ERGIC1: variants seen among roughly 807,000 people sequenced by gnomAD.
ERGIC1 encodes the protein endoplasmic reticulum-golgi intermediate compartment 1.
A neutral mutation model predicts 38.3 loss-of-function variants in ERGIC1; 19 were observed. That is an observed-to-expected ratio of 0.50 (90% confidence interval 0.35 to 0.73). The LOEUF is 0.73. ERGIC1 is among the 30% of genes least tolerant of loss of function. The pLI is 0.01. For missense variants in ERGIC1, 294 were observed against 389.2 expected (o/e 0.76, Z 2.06); for synonymous variants, 124 against 157.6 (o/e 0.79, Z 1.60).
chr5:172,897,513 G>T (rs1434633814), intron 3 of ERGIC1, among the ~76,000 whole-genome samples: 1 of 152,092 alleles, frequency 6.6e-6, no homozygotes, highest in Non-Finnish European at 1.5e-5. Flanking sequence ...CAGGCCTGTG[G>T]CATCGGTTGC....
chr5:172,919,923 C>G (rs1763467417), intron 5 of ERGIC1, among the ~76,000 whole-genome samples: 2 of 152,172 alleles, frequency 1.3e-5, no homozygotes, highest in Admixed American at 6.5e-5. Context: ...TAGGTTCTTA[C>G]CCAGCCCTTT....
intron 1 of ERGIC1, among the ~76,000 whole-genome samples, chr5:172,842,951 C>G (rs1459404629): frequency 6.6e-6 from 1 of 152,150 alleles, no homozygotes; most frequent in South Asian, 2.1e-4. Context: ...CGAGACCAAC[C>G]TGGCCAACAT....
intron 9 of ERGIC1, among the ~76,000 whole-genome samples, chr5:172,950,040 T>C (rs1437335239): frequency 1.3e-5 from 2 of 152,092 alleles, no homozygotes; most frequent in East Asian, 3.8e-4. Context: ...GCCACTGCAC[T>C]CCAGCCTGGA....
chr5:172,888,781 C>T (rs1354945588), intron 2 of ERGIC1, 21 bp downstream of exon 2: 1 of 1,611,116 alleles, frequency 6.2e-7, no homozygotes, highest in Non-Finnish European at 8.5e-7. Context: ...AACCTCTGGC[C>T]ATGCCCTCTG....
intron 3 of ERGIC1, among the ~76,000 whole-genome samples, chr5:172,904,679 AG>A (rs55784478): frequency 0.034 from 5,187 of 152,352 alleles, 88 homozygotes; most frequent in South Asian, 0.086. Context: ...CAATGAAGTT[AG>A]TTAGCCTTGG....
At chr5:172,893,682 T>C (rs1394869009) in intron 2 of ERGIC1, among the ~76,000 whole-genome samples, 1 of 151,384 alleles carries the variant, frequency 6.6e-6, no homozygotes, top group Non-Finnish European at 1.5e-5. Flanking sequence ...TGATAGCTGA[T>C]CTCTTCCAGT....
At chr5:172,888,331 A>G (rs181074296) in intron 1 of ERGIC1, among the ~76,000 whole-genome samples, 2,536 of 152,238 alleles carry the variant, frequency 0.017, 52 homozygotes, top group Middle Eastern at 0.044. Context: ...ATGGTGGCAC[A>G]TGCCCGTAGT....
intron 1 of ERGIC1, among the ~76,000 whole-genome samples, chr5:172,878,482 C>T (rs539418307): frequency 1.3e-5 from 2 of 152,228 alleles, no homozygotes; most frequent in African/African-American, 4.8e-5. Context: ...GAAAGTGATC[C>T]GAGATACTGA....
chr5:172,885,811 G>T (rs368092283), intron 1 of ERGIC1, among the ~76,000 whole-genome samples: 6 of 152,098 alleles, frequency 3.9e-5, no homozygotes, highest in Non-Finnish European at 5.9e-5. Context: ...TTCCAGCTCC[G>T]CAAGGCCTCT....
In ERGIC1 at chr5:172,861,682, C is replaced by T. The variant is rs557604376; in HGVS notation, c.21-27017C>T. 1.4e-4 allele frequency among the ~76,000 whole-genome samples: 22 copies of T among 152,270 alleles called. 1 individual carries two copies. The South Asian group carries it at 2.7e-3, about 19-fold the overall frequency. On this transcript the variant is annotated intron_variant, in intron 1 of 9. Coordinates refer to ENST00000393784, the MANE Select transcript of ERGIC1 (RefSeq NM_001031711.3). ...GGTACTTAGGAAGTGGTAAATAATGCGTGTGTCAGCCCAAGTGTGAATTAC... is the reference window on the plus strand; with the variant it reads ...GGTACTTAGGAAGTGGTAAATAATGTGTGTGTCAGCCCAAGTGTGAATTAC...
Position 172,924,000 on chromosome 5 carries a change from C to T in ERGIC1, c.376-5C>T. 3 of 1,614,050 alleles carry T rather than the reference C, an allele frequency of 1.9e-6. No homozygotes were observed. Among genetic ancestry groups the T allele is most frequent in the Non-Finnish European group, 1.7e-6 (2 of 1,179,922 alleles). On this transcript the variant is annotated splice_polypyrimidine_tract_variant and splice_region_variant and intron_variant, in intron 5 of 9. Coordinates refer to ENST00000393784, the MANE Select transcript of ERGIC1 (RefSeq NM_001031711.3). ...AAACTCCTGAAACTCACATTTCTCCCCCAGGTCCCCGGCAACTTCCACGTG... is the reference window on the plus strand; with the variant it reads ...AAACTCCTGAAACTCACATTTCTCCTCCAGGTCCCCGGCAACTTCCACGTG...
rs1198583114 is a variant in ERGIC1, at chr5:172,935,262, G to T, written c.717G>T (p.Thr239=). The T allele has an allele frequency of 1.2e-6, 2 of 1,614,140 alleles. No homozygotes were observed. The highest frequency in any genetic ancestry group is 2.2e-5 in the South Asian group (2 of 91,084). The change falls in exon 9 of 10, where the codon ACG becomes ACT. Residue 239 remains threonine, a synonymous_variant. Transcript: ENST00000393784. The part of the protein sequence containing the change: ...IWFRYDLSPI[T]VKYTERRQPL... ...TCCGCTACGACCTCAGCCCCATCAC[G>T]GTCAAGTACACAGAGAGACGGCAGC... is the stretch of plus-strand genomic sequence containing the variant.
In ERGIC1 at chr5:172,941,221, G is replaced by A. The variant is rs574657590; in HGVS notation, c.765+5911G>A. ...GAGATCTTGGCAGTAAGCCAAGATCGTGCCACTGCACTCCAGCTCTGTCTC... is the reference window on the plus strand; with the variant it reads ...GAGATCTTGGCAGTAAGCCAAGATCATGCCACTGCACTCCAGCTCTGTCTC... On this transcript the variant is annotated intron_variant, in intron 9 of 9. Transcript: ENST00000393784. Among the ~76,000 whole-genome samples, 711 of 151,632 alleles carry A rather than the reference G, an allele frequency of 4.7e-3. 1 individual carries two copies. The highest frequency in any genetic ancestry group is 0.015 in the African/African-American group (632 of 41,290).
chr5:172,869,890 C>G (rs973532473), intron 1 of ERGIC1, among the ~76,000 whole-genome samples: 6 of 152,136 alleles, frequency 3.9e-5, no homozygotes, highest in African/African-American at 1.2e-4. Context: ...TATTCCTATT[C>G]CCATGTCCTT....
intron 8 of ERGIC1, chr5:172,932,902 T>C (rs997847330): frequency 2.4e-5 from 5 of 211,546 alleles, no homozygotes; most frequent in African/African-American, 9.2e-5. Context: ...ACACTCCTGC[T>C]CTCAGGGCAC....
At chr5:172,909,561 G>A in intron 3 of ERGIC1, 106 bp from the exon 4 acceptor site, 4 of 1,017,242 alleles carry the variant, frequency 3.9e-6, no homozygotes, top group South Asian at 1.3e-5. Flanking sequence ...TGGAGTCTGG[G>A]TTATCTAAGT....
chr5:172,929,311 C>T (rs533371377), intron 7 of ERGIC1, among the ~76,000 whole-genome samples: 213 of 152,086 alleles, frequency 1.4e-3, no homozygotes, highest in African/African-American at 4.7e-3. Context: ...GAAATGGGTA[C>T]GTGGGAGTCC....
At chr5:172,943,562 A>G (rs565623622) in intron 9 of ERGIC1, among the ~76,000 whole-genome samples, 2 of 152,284 alleles carry the variant, frequency 1.3e-5, no homozygotes, top group Non-Finnish European at 2.9e-5. Flanking sequence ...AAGTGACTGA[A>G]CAGTTCCTGG....
intron 5 of ERGIC1, chr5:172,918,279 C>T (rs866100625): frequency 4.6e-5 from 7 of 152,348 alleles, no homozygotes; most frequent in Middle Eastern, 6.8e-3. Context: ...ATTTAAATAT[C>T]TCTTTACTTT....
Sources: gnomAD v4.1 joint callset for allele counts (sites outside exome capture counted in the v4.1 genomes callset) on GRCh38, gnomAD v4.1.1 for gene constraint, MANE v1.5 for transcripts, NCBI Gene and HGNC (gene_info 2026-07-23, HGNC 2026-07-21) for gene names.